ADGRE3: variants seen among roughly 807,000 people sequenced by gnomAD.
The protein encoded by ADGRE3 is EGF-like module receptor 3.
ADGRE3 carries 88 observed loss-of-function variants against 80.1 expected under a neutral mutation model. The observed-to-expected ratio is 1.10, with a 90% CI of 0.93 to 1.31. ADGRE3 has a LOEUF of 1.31. ADGRE3 is among the 40% of genes most tolerant of loss of function. ADGRE3 has a pLI of 0.00. For missense variants in ADGRE3, 715 were observed against 776.5 expected (o/e 0.92, Z 0.94); for synonymous variants, 281 against 294.8 (o/e 0.95, Z 0.48).
chr19:14,644,893 C>T (rs576614688), intron 8 of ADGRE3, among the ~76,000 whole-genome samples: 46 of 151,702 alleles, frequency 3.0e-4, no homozygotes, highest in Middle Eastern at 3.4e-3. Context: ...GCCCAGCTAA[C>T]TTTTGTATTT....
chr19:14,642,449 G>A (rs557728605), intron 9 of ADGRE3, among the ~76,000 whole-genome samples: 3 of 152,196 alleles, frequency 2.0e-5, no homozygotes, highest in Non-Finnish European at 4.4e-5. Context: ...ACTTTTTTAA[G>A]TTCAGAGATA....
chr19:14,603,182 A>G, the ADGRE3 span, among the ~76,000 whole-genome samples: 3 of 152,160 alleles, frequency 2.0e-5, no homozygotes, highest in African/African-American at 7.2e-5. Context: ...ATTCTGCTAG[A>G]ATGGTGTACA....
At chr19:14,629,301 A>G (rs985001188) in intron 14 of ADGRE3, among the ~76,000 whole-genome samples, 3 of 152,178 alleles carry the variant, frequency 2.0e-5, no homozygotes, top group African/African-American at 7.2e-5. Flanking sequence ...TAATGTAAAT[A>G]AAATAGTAGT....
At chr19:14,646,304 G>A (rs1971396407) in intron 8 of ADGRE3, among the ~76,000 whole-genome samples, 1 of 152,140 alleles carries the variant, frequency 6.6e-6, no homozygotes, top group Admixed American at 6.6e-5. Flanking sequence ...TGTATTTTTA[G>A]TAGAGATGGG....
In ADGRE3 at chr19:14,636,159, C is replaced by T. The variant is rs201551817; in HGVS notation, c.1484+1946G>A. ...CTTTCTTTCTTTCTTTCTTCCTTTC[C>T]TCCTTTCCTTTCCTTTCCTTCCTCT... is the stretch of plus-strand genomic sequence containing the variant. On this transcript the variant is annotated intron_variant, in intron 11 of 15. Transcript: ENST00000253673. Among the ~76,000 whole-genome samples, 97 of 25,960 alleles carry T rather than the reference C, an allele frequency of 3.7e-3. 4 individuals are homozygous for T. Among genetic ancestry groups the T allele is most frequent in the East Asian group, 6.7e-3 (5 of 746 alleles). The allele number at this position is 25,960 out of a possible 152,430, so 17.0% of individuals were successfully genotyped here.
At chr19:14,641,242 C>T (rs945690177) in intron 10 of ADGRE3, among the ~76,000 whole-genome samples, 177 bp downstream of exon 10, 3 of 152,130 alleles carry the variant, frequency 2.0e-5, no homozygotes, top group Admixed American at 2.0e-4. Context: ...TGCTTTTTCT[C>T]TTATCTGTCT....
intron 8 of ADGRE3, among the ~76,000 whole-genome samples, chr19:14,644,960 A>T (rs1221198694): frequency 6.6e-6 from 1 of 152,126 alleles, no homozygotes; most frequent in Non-Finnish European, 1.5e-5. Flanking sequence ...TCCTGGCCTC[A>T]AGCAATCCTC....
chr19:14,606,986 T>A, the ADGRE3 span: 1 of 1,269,060 alleles, frequency 7.9e-7, no homozygotes, highest in Admixed American at 3.7e-5. Context: ...GGAATTTTTA[T>A]TTGCAGAATT....
chr19:14,634,422 T>C (rs1381288865), intron 11 of ADGRE3, among the ~76,000 whole-genome samples: 5 of 152,190 alleles, frequency 3.3e-5, no homozygotes, highest in African/African-American at 1.2e-4. Flanking sequence ...AATTTAAGTA[T>C]GTGATTTAAT....
intron 11 of ADGRE3, 29 bp downstream of exon 11, chr19:14,638,076 C>T (rs996028397): frequency 6.5e-7 from 1 of 1,544,410 alleles, no homozygotes; most frequent in Non-Finnish European, 9.0e-7. Flanking sequence ...AGGAAACTGT[C>T]CATGACACAA....
intron 4 of ADGRE3, among the ~76,000 whole-genome samples, chr19:14,659,630 G>A (rs1180886673): frequency 1.1e-4 from 16 of 151,798 alleles, no homozygotes; most frequent in Admixed American, 1.1e-3. Context: ...AGACCAGCCT[G>A]GCCAACATGG....
At chr19:14,617,341 C>CCTTTCTTTCTTTCTTT (rs1555752261), downstream of ADGRE3, among the ~76,000 whole-genome samples, 692 of 57,242 alleles carry the variant, frequency 0.012, 9 homozygotes, top group Non-Finnish European at 0.016. Context: ...TCCCTCCCTC[C>CCTTTCTTTCTTTCTTT]CTTTCTTTCT....
intron 4 of ADGRE3, among the ~76,000 whole-genome samples, chr19:14,659,416 C>T (rs1971874779): frequency 6.6e-6 from 1 of 152,266 alleles, no homozygotes; most frequent in Admixed American, 6.5e-5. Flanking sequence ...TTAGAAGCCT[C>T]TTGTGTTTAA....
chr19:14,633,325 TACAA>T (rs1481478919), intron 11 of ADGRE3, 23 bp from the exon 12 acceptor site: 8 of 1,582,486 alleles, frequency 5.1e-6, no homozygotes, highest in Non-Finnish European at 6.9e-6. Flanking sequence ...GGAAAAGAGA[TACAA>T]AGAGAGATCA....
intron 7 of ADGRE3, among the ~76,000 whole-genome samples, chr19:14,648,105 A>T (rs1971465606): frequency 6.6e-6 from 1 of 150,580 alleles, no homozygotes; most frequent in South Asian, 2.1e-4. Context: ...AAAAAAAAAA[A>T]GATGTTTTCC....
chr19:14,617,428 T>C (rs142096513), downstream of ADGRE3, among the ~76,000 whole-genome samples: 1,048 of 138,060 alleles, frequency 7.6e-3, 13 homozygotes, highest in African/African-American at 0.027. Context: ...GATGGAGTCT[T>C]ACTCTGTCAC....
chr19:14,602,390 A>C, the ADGRE3 span, among the ~76,000 whole-genome samples: 9 of 152,156 alleles, frequency 5.9e-5, no homozygotes, highest in East Asian at 1.2e-3. Context: ...CCTGGGCTCA[A>C]GTGATTATCC....
At chr19:14,662,166 T>G (rs1317445439) in intron 3 of ADGRE3, 48 bp from the exon 4 acceptor site, 2 of 1,593,934 alleles carry the variant, frequency 1.3e-6, no homozygotes, top group Non-Finnish European at 1.7e-6. Context: ...AAAGATTTAT[T>G]GAGCAGCTAC....
chr19:14,627,867 G>A (rs1010214189), intron 14 of ADGRE3, among the ~76,000 whole-genome samples: 1 of 151,922 alleles, frequency 6.6e-6, no homozygotes, highest in Non-Finnish European at 1.5e-5. Context: ...GATGGCTCAC[G>A]CCTGTAATCC....
Sources: gnomAD v4.1 joint callset for allele counts (sites outside exome capture counted in the v4.1 genomes callset) on GRCh38, gnomAD v4.1.1 for gene constraint, MANE v1.5 for transcripts, NCBI Gene and HGNC (gene_info 2026-07-23, HGNC 2026-07-21) for gene names.